SDCCAG8: variants seen among roughly 807,000 people sequenced by gnomAD.
SDCCAG8 encodes serologically defined colon cancer antigen 8.
SDCCAG8 carries 74 observed loss-of-function variants against 101.8 expected under a neutral mutation model. That is an observed-to-expected ratio of 0.73 (90% CI 0.60 to 0.88). The LOEUF (loss-of-function observed/expected upper bound fraction) is 0.88, where lower values mean the gene tolerates loss of function less well. SDCCAG8 is among the 40% of genes least tolerant of loss of function. SDCCAG8 has a pLI of 0.00. For synonymous variants in SDCCAG8, 281 were observed against 292.9 expected (o/e 0.96, Z 0.41); for missense variants, 787 against 822.6 (o/e 0.96, Z 0.53).
intron 13 of SDCCAG8, among the ~76,000 whole-genome samples, chr1:243,401,049 G>A (rs1427816396): frequency 2.0e-5 from 3 of 152,176 alleles, no homozygotes; most frequent in African/African-American, 7.2e-5. Context: ...AATACACTTG[G>A]AGGTGCCTAT....
At chr1:243,273,388 G>T (rs2068255255) in intron 3 of SDCCAG8, among the ~76,000 whole-genome samples, 1 of 152,014 alleles carries the variant, frequency 6.6e-6, no homozygotes, top group African/African-American at 2.4e-5. Flanking sequence ...TATGTGATGG[G>T]TATATGATTT....
chr1:243,260,934 T>C (rs1264198326), intron 1 of SDCCAG8, among the ~76,000 whole-genome samples: 1 of 152,206 alleles, frequency 6.6e-6, no homozygotes, highest in Non-Finnish European at 1.5e-5. Flanking sequence ...GACAACCATC[T>C]GGGTAACCTT....
At chr1:243,292,026 C>T (rs184686465) in intron 5 of SDCCAG8, among the ~76,000 whole-genome samples, 8 of 152,218 alleles carry the variant, frequency 5.3e-5, no homozygotes, top group Admixed American at 3.3e-4. Flanking sequence ...AAATGAACAG[C>T]CAACTGAAAA....
intron 12 of SDCCAG8, among the ~76,000 whole-genome samples, chr1:243,356,583 A>G (rs2076398585): frequency 6.6e-6 from 1 of 152,114 alleles, no homozygotes; most frequent in African/African-American, 2.4e-5. Context: ...CCTATCCATC[A>G]GTATAATAAT....
intron 16 of SDCCAG8, among the ~76,000 whole-genome samples, chr1:243,470,434 T>C (rs1661007426): frequency 6.6e-6 from 1 of 152,148 alleles, no homozygotes; most frequent in East Asian, 1.9e-4. Flanking sequence ...AAGTTACAAA[T>C]GGCCAGATTT....
rs561996092 is a variant in SDCCAG8, at chr1:243,295,263, A to T, written c.675+2044A>T. The stretch of plus-strand genomic sequence containing the variant: ...TGTTTCTTGTTTCTTTTTGAGACAG[A>T]GTCTTGCTCTGTCGCCCAGGCAGGA... On this transcript the variant is annotated intron_variant, in intron 6 of 17. Coordinates refer to ENST00000366541, the MANE Select transcript of SDCCAG8 (RefSeq NM_006642.5). Among the ~76,000 whole-genome samples, 54 of 152,208 alleles carry T rather than the reference A, an allele frequency of 3.5e-4. 1 individual carries two copies. In the South Asian group the frequency reaches 0.011, roughly 31 times the overall value.
chr1:243,319,597 T>C (rs1164162645), intron 9 of SDCCAG8, among the ~76,000 whole-genome samples: 1 of 152,096 alleles, frequency 6.6e-6, no homozygotes, highest in Non-Finnish European at 1.5e-5. Context: ...GGTCTCAAAC[T>C]CCTGAGCTCA....
intron 17 of SDCCAG8, among the ~76,000 whole-genome samples, chr1:243,497,827 C>A (rs145507912): frequency 6.6e-6 from 1 of 152,084 alleles, no homozygotes; most frequent in Non-Finnish European, 1.5e-5. Flanking sequence ...TACAGGGGTG[C>A]GCCACCACAC....
chr1:243,404,092 C>T (rs1322683248), intron 13 of SDCCAG8, among the ~76,000 whole-genome samples: 2 of 152,188 alleles, frequency 1.3e-5, no homozygotes, highest in Admixed American at 1.3e-4. Context: ...TGTACAGATG[C>T]CCTGCTGGCA....
intron 16 of SDCCAG8, among the ~76,000 whole-genome samples, chr1:243,484,726 C>T (rs771949857): frequency 6.6e-6 from 1 of 152,166 alleles, no homozygotes; most frequent in Non-Finnish European, 1.5e-5. Flanking sequence ...TGATGGACCC[C>T]CAGGTCTTAA....
intron 17 of SDCCAG8, among the ~76,000 whole-genome samples, chr1:243,495,622 G>A (rs1366568900): frequency 1.3e-5 from 2 of 152,226 alleles, no homozygotes; most frequent in East Asian, 3.9e-4. Context: ...TCGCTGTGCT[G>A]GGGACAGCAG....
chr1:243,405,506 C>G (rs1236611148), intron 13 of SDCCAG8, among the ~76,000 whole-genome samples: 4 of 152,132 alleles, frequency 2.6e-5, no homozygotes, highest in Non-Finnish European at 5.9e-5. Context: ...CCTTAAAGAT[C>G]TGGCAATGAG....
intron 9 of SDCCAG8, among the ~76,000 whole-genome samples, chr1:243,330,249 C>T (rs1187368087): frequency 6.6e-6 from 1 of 151,980 alleles, no homozygotes; most frequent in Non-Finnish European, 1.5e-5. Context: ...TTCTGGTTCC[C>T]TTTTTTAAAA....
At chr1:243,413,354 C>T (rs754017509) in intron 13 of SDCCAG8, among the ~76,000 whole-genome samples, 1 of 152,088 alleles carries the variant, frequency 6.6e-6, no homozygotes, top group Non-Finnish European at 1.5e-5. Context: ...TACAGGCATG[C>T]ACCACCACGC....
rs1474766803 is a variant in SDCCAG8 at position 243,499,775 on chromosome 1, C to CTGAT, written c.2135_2138dup (p.Cys713Ter). The CTGAT allele has an allele frequency of 1.9e-6, 3 of 1,612,744 alleles. No homozygotes were observed. Among genetic ancestry groups the CTGAT allele is most frequent in the Admixed American group, 3.3e-5 (2 of 60,028 alleles). ...TTCCAGTTACCCAGCATGCCACAAT[C>CTGAT]TGATTGCTGACCTGGATGGAACAGA... On this transcript the variant is annotated frameshift_variant, in exon 18 of 18. Transcript: ENST00000366541. LOFTEE classifies it high-confidence loss of function.
intron 13 of SDCCAG8, among the ~76,000 whole-genome samples, chr1:243,403,804 C>T (rs2079566574): frequency 6.6e-6 from 1 of 152,208 alleles, no homozygotes; most frequent in African/African-American, 2.4e-5. Flanking sequence ...AAGGCTCCCA[C>T]TGATTCTACA....
At chr1:243,263,202 G>C (rs1265656263) in intron 1 of SDCCAG8, among the ~76,000 whole-genome samples, 1 of 152,280 alleles carries the variant, frequency 6.6e-6, no homozygotes, top group Middle Eastern at 3.4e-3. Context: ...TTATTGACTT[G>C]AAAACTGTCT....
chr1:243,408,408 G>T (rs1183610842), intron 13 of SDCCAG8, among the ~76,000 whole-genome samples: 4 of 152,190 alleles, frequency 2.6e-5, no homozygotes, highest in Non-Finnish European at 4.4e-5. Flanking sequence ...TTGCAAAGGT[G>T]AATATATGTC....
At position 243,270,273 on chromosome 1, in the gene SDCCAG8, A is replaced by AGAGC. The variant is rs2067981421; in HGVS notation, c.220+16_220+17insGAGC. On this transcript the variant is annotated intron_variant, in intron 2 of 17. Transcript: ENST00000366541. Reference sequence around the variant, plus strand: ...AGCCATGCTGGTGAGTGTGAATGTCAATCCTAGTCTGAATGATGCATAGTG... The same window carrying AGAGC: ...AGCCATGCTGGTGAGTGTGAATGTCAGAGCATCCTAGTCTGAATGATGCATAGTG... 10 of 1,612,936 alleles carry AGAGC rather than the reference A, an allele frequency of 6.2e-6. No individual in the cohort carries two copies. The East Asian group carries it at 2.2e-4, about 36-fold the overall frequency.
Sources: gnomAD v4.1 joint callset for allele counts (sites outside exome capture counted in the v4.1 genomes callset) on GRCh38, gnomAD v4.1.1 for gene constraint, MANE v1.5 for transcripts, NCBI Gene and HGNC (gene_info 2026-07-23, HGNC 2026-07-21) for gene names.